Variants in TNRC6B observed in about 807,000 individuals in gnomAD.
The protein encoded by TNRC6B is trinucleotide repeat containing adaptor 6B, also known as trinucleotide repeat-containing gene 6B protein.
Under a neutral mutation model 203.6 loss-of-function variants are expected in TNRC6B, and 52 were observed. The ratio of observed to expected loss-of-function variants is 0.26; its 90% CI spans 0.20 to 0.32. The LOEUF (loss-of-function observed/expected upper bound fraction) is 0.32, where lower values mean the gene tolerates loss of function less well. Among genes scored for constraint, TNRC6B ranks in the 10% least tolerant of loss-of-function variants. TNRC6B has a pLI of 1.00. For missense variants in TNRC6B, 1,923 were observed against 2,286.2 expected (o/e 0.84, Z 3.24); for synonymous variants, 838 against 845.7 (o/e 0.99, Z 0.16).
intron 1 of TNRC6B, among the ~76,000 whole-genome samples, chr22:40,072,707 T>A (rs2067961708): frequency 6.6e-6 from 1 of 151,560 alleles, no homozygotes; most frequent in South Asian, 2.1e-4. Flanking sequence ...CCACTAAAAA[T>A]ACAAAAATTA....
At chr22:40,306,866 T>C (rs1009997137) in intron 15 of TNRC6B, among the ~76,000 whole-genome samples, 69 of 152,144 alleles carry the variant, frequency 4.5e-4, no homozygotes, top group Admixed American at 4.5e-3. Flanking sequence ...GGTGTGCCTG[T>C]AGTCCCAGCT....
Position 40,064,063 on chromosome 22 carries a change from A to G in TNRC6B, c.-121+19065A>G, listed in dbSNP as rs377228472. Reference sequence around the variant, plus strand: ...TATTTTTGGTTTATTCACTGCTAATATGTAGAAATACAATGGATTTTAATA... The same window carrying G: ...TATTTTTGGTTTATTCACTGCTAATGTGTAGAAATACAATGGATTTTAATA... On this transcript the variant is annotated intron_variant, in intron 1 of 23. Coordinates refer to the TNRC6B transcript ENST00000301923. 3.6e-4 allele frequency among the ~76,000 whole-genome samples: 55 copies of G among 152,334 alleles called. No homozygotes were observed. In the East Asian group the frequency reaches 4.8e-3, roughly 13 times the overall value.
At chr22:40,178,605 A>AT (rs1406595281) in intron 1 of TNRC6B, among the ~76,000 whole-genome samples, 3 of 152,058 alleles carry the variant, frequency 2.0e-5, no homozygotes, top group African/African-American at 7.2e-5. Flanking sequence ...CTATCTTTTT[A>AT]TTTTTTAAAC....
chr22:40,171,845 T>C (rs1250185423), intron 4 of TNRC6B, among the ~76,000 whole-genome samples: 1 of 152,030 alleles, frequency 6.6e-6, no homozygotes, highest in African/African-American at 2.4e-5. Flanking sequence ...TATTGACCAC[T>C]CAAACATTTG....
chr22:40,099,730 A>G (rs1007084938), intron 1 of TNRC6B, among the ~76,000 whole-genome samples: 3 of 152,182 alleles, frequency 2.0e-5, no homozygotes, highest in Non-Finnish European at 4.4e-5. Context: ...CAAGTTATAC[A>G]CAAATACTTC....
chr22:40,114,755 G>A (rs1356268649), intron 1 of TNRC6B, among the ~76,000 whole-genome samples: 1 of 152,152 alleles, frequency 6.6e-6, no homozygotes, highest in African/African-American at 2.4e-5. Flanking sequence ...AAAGAGAAGA[G>A]AGAAAACTGG....
chr22:40,312,000 T>C (rs2071191370), intron 17 of TNRC6B, among the ~76,000 whole-genome samples: 1 of 152,278 alleles, frequency 6.6e-6, no homozygotes, highest in African/African-American at 2.4e-5. Context: ...ATGTATATTC[T>C]AGGCTTTCTT....
chr22:40,092,189 G>A (rs1318599647), intron 1 of TNRC6B, among the ~76,000 whole-genome samples: 4 of 152,104 alleles, frequency 2.6e-5, no homozygotes, highest in African/African-American at 9.7e-5. Context: ...GATCACTTGA[G>A]GTCAGGGGTT....
chr22:40,189,090 T>TA (rs2069240331), intron 1 of TNRC6B, among the ~76,000 whole-genome samples: 1 of 152,110 alleles, frequency 6.6e-6, no homozygotes, highest in Non-Finnish European at 1.5e-5. Context: ...TTAGTGACTT[T>TA]AAAAAAACGT....
intron 1 of TNRC6B, among the ~76,000 whole-genome samples, chr22:40,086,779 T>C (rs2068103377): frequency 6.6e-6 from 1 of 152,236 alleles, no homozygotes; most frequent in Non-Finnish European, 1.5e-5. Context: ...AGGTTTTAGA[T>C]AGAAATAAAA....
rs1245413246 is a variant in TNRC6B at position 40,335,199 on chromosome 22, G to A, written c.*11958G>A. ...TTTTTTTTTTTTTTTTAGCATAGAG[G>A]TTTAATCAAACTCCCATATGTTGAA... On this transcript the variant is annotated 3_prime_UTR_variant, in exon 23 of 23. Coordinates refer to ENST00000454349, the MANE Select transcript of TNRC6B (RefSeq NM_001162501.2). 8.1e-6 allele frequency: 1 copy of A among 124,142 alleles called. No individual in the cohort carries two copies. Among genetic ancestry groups the A allele is most frequent in the Non-Finnish European group, 1.6e-5 (1 of 61,874 alleles). 7.7% of individuals were successfully genotyped at this position (124,142 alleles called of 1,614,324 possible).
In TNRC6B at chr22:40,270,294, T is replaced by C; in HGVS notation, c.2965+14T>C. On this transcript the variant is annotated intron_variant, in intron 6 of 22. Transcript: ENST00000454349. ...CCATGAAGCCTAGTAAGTGTGAAGC[T>C]TTTCATTTTTGAGGGATCCTTTTTT... is the stretch of plus-strand genomic sequence containing the variant. The C allele has an allele frequency of 7.4e-7, 1 of 1,351,884 alleles. No individual in the cohort carries two copies. The highest frequency in any genetic ancestry group is 1.9e-5 in the South Asian group (1 of 51,536). The allele number at this position is 1,351,884 out of a possible 1,614,324, so 83.7% of individuals were successfully genotyped here. A position where few individuals can be genotyped will look rare whatever the true frequency, so the allele number is the denominator to read the frequency against.
intron 1 of TNRC6B, among the ~76,000 whole-genome samples, chr22:40,062,954 T>TC (rs937984057): frequency 2.0e-5 from 3 of 152,112 alleles, no homozygotes; most frequent in African/African-American, 7.2e-5. Context: ...CTTTTTTTTT[T>TC]CTTTTGCTAT....
chr22:40,246,430 C>A, intron 2 of TNRC6B: 1 of 170,976 alleles, frequency 5.8e-6, no homozygotes, highest in Non-Finnish European at 1.3e-5. Context: ...CCTCGTGATC[C>A]CCCACCTTGG....
At chr22:40,202,061 G>A (rs1185327891) in intron 1 of TNRC6B, among the ~76,000 whole-genome samples, 3 of 152,140 alleles carry the variant, frequency 2.0e-5, no homozygotes, top group Non-Finnish European at 1.5e-5. Flanking sequence ...TTTGTCTCAA[G>A]TAGTGTAAGC....
At position 40,326,027 on chromosome 22, in the gene TNRC6B, TAAAA is replaced by T. The variant is rs982096884; in HGVS notation, c.*2793_*2796del. ...TTAAAGGGAAAAAAACTAAAAACTT[TAAAA>T]AAAAAAGACCAAAAAGTGCGTATAT... On this transcript the variant is annotated 3_prime_UTR_variant, in exon 23 of 23. Coordinates refer to ENST00000454349, the MANE Select transcript of TNRC6B (RefSeq NM_001162501.2). 1 of 148,488 alleles carries T rather than the reference TAAAA, an allele frequency of 6.7e-6. No homozygotes were observed. The highest frequency in any genetic ancestry group is 1.5e-5 in the Non-Finnish European group (1 of 66,694). 9.2% of individuals were successfully genotyped at this position (148,488 alleles called of 1,614,324 possible).
intron 18 of TNRC6B, 119 bp downstream of exon 18, chr22:40,312,770 G>C: frequency 1.4e-6 from 2 of 1,475,736 alleles, no homozygotes; most frequent in Non-Finnish European, 9.3e-7. Flanking sequence ...TAAAAAGATT[G>C]CTTTTCACTT....
At chr22:40,319,215 T>C (rs990960429) in intron 21 of TNRC6B, among the ~76,000 whole-genome samples, 1 of 151,152 alleles carries the variant, frequency 6.6e-6, no homozygotes, top group African/African-American at 2.4e-5. Context: ...TAAGAGCAAG[T>C]CACCTGCTCT....
In TNRC6B at chr22:40,265,550, A is replaced by G; in HGVS notation, c.1320A>G (p.Gln440=). 2 of 1,613,940 alleles carry G rather than the reference A, an allele frequency of 1.2e-6. No individual in the cohort carries two copies. Among genetic ancestry groups the G allele is most frequent in the African/African-American group, 1.3e-5 (1 of 75,050 alleles). ...CTGGAACTGACACAGTCTCTGGACAAAGCAATTCTGGAAACAATGGGAACA... is the reference window on the plus strand; with the variant it reads ...CTGGAACTGACACAGTCTCTGGACAGAGCAATTCTGGAAACAATGGGAACA... ...GPSGTDTVSG[Q]SNSGNNGNNG... is the part of the protein sequence containing the mutation. Residue 440 remains glutamine (Q), a synonymous_variant, in exon 5 of 23, where the codon CAA becomes CAG. Coordinates refer to ENST00000454349, the MANE Select transcript of TNRC6B (RefSeq NM_001162501.2).
Sources: allele counts gnomAD v4.1 joint callset (sites outside exome capture counted in the v4.1 genomes callset), GRCh38; gene constraint gnomAD v4.1.1; transcripts MANE v1.5; gene names NCBI Gene and HGNC (gene_info 2026-07-23, HGNC 2026-07-21).